Variants in CHODL observed in about 807,000 individuals in gnomAD.
CHODL encodes transmembrane protein MT75.
CHODL carries 29 observed loss-of-function variants against 34.5 expected under a neutral mutation model. That is an observed-to-expected ratio of 0.84 (90% CI 0.63 to 1.15). The LOEUF (loss-of-function observed/expected upper bound fraction) is 1.15, where lower values mean the gene tolerates loss of function less well. Ranked by LOEUF, CHODL falls within the 50% of genes most tolerant of loss-of-function variation. The pLI is 0.00. For synonymous variants in CHODL, 125 were observed against 116.1 expected, an observed-to-expected ratio of 1.08 and a Z score of -0.49; for missense variants, 332 against 332.5, an observed-to-expected ratio of 1.00 and a Z score of 0.01.
chr21:18,249,039 AATATT>A (rs2074198793), intron 1 of CHODL, among the ~76,000 whole-genome samples: 1 of 121,622 alleles, frequency 8.2e-6, no homozygotes, highest in Admixed American at 1.0e-4. Context: ...TAATATATAT[AATATT>A]ATATATATTA....
At chr21:18,252,589 C>T (rs1257426414) in intron 1 of CHODL, among the ~76,000 whole-genome samples, 3 of 151,812 alleles carry the variant, frequency 2.0e-5, no homozygotes, top group East Asian at 1.9e-4. Flanking sequence ...CAAATTTGCA[C>T]GATAAGGTGG....
At chr21:18,107,915 A>G (rs1211936071) in intron 2 of CHODL, among the ~76,000 whole-genome samples, 3 of 152,246 alleles carry the variant, frequency 2.0e-5, no homozygotes, top group Non-Finnish European at 2.9e-5. Context: ...AAAACTTTCA[A>G]TAAGCATGTG....
chr21:18,170,284 C>G (rs916090303), intron 2 of CHODL, among the ~76,000 whole-genome samples: 3 of 151,828 alleles, frequency 2.0e-5, no homozygotes, highest in Admixed American at 2.0e-4. Context: ...ATTTTTTCAT[C>G]TTTTATTTTC....
At chr21:18,115,809 TGC>T (rs2065405484) in intron 2 of CHODL, among the ~76,000 whole-genome samples, 1 of 152,222 alleles carries the variant, frequency 6.6e-6, no homozygotes, top group Admixed American at 6.5e-5. Flanking sequence ...AAATGTATCC[TGC>T]TTCATCTTCT....
chr21:17,982,076 C>G (rs2063718264), intron 1 of CHODL, among the ~76,000 whole-genome samples: 1 of 152,218 alleles, frequency 6.6e-6, no homozygotes, highest in Non-Finnish European at 1.5e-5. Flanking sequence ...TTTAGAAAGA[C>G]TTTCCAGTAA....
upstream of CHODL, among the ~76,000 whole-genome samples, chr21:18,240,822 A>G (rs762279157): frequency 6.6e-6 from 1 of 152,190 alleles, no homozygotes; most frequent in Non-Finnish European, 1.5e-5. Context: ...ATTACTAGTA[A>G]TGGAGTTCTA....
In CHODL at chr21:18,037,856, A is replaced by G. The variant is rs1364670491; in HGVS notation, c.-45+9885A>G. Among the ~76,000 whole-genome samples the G allele has an allele frequency of 2.0e-5, 3 of 151,802 alleles. No individual in the cohort carries two copies. The East Asian group carries it at 5.8e-4, about 29-fold the overall frequency. On this transcript the variant is annotated intron_variant, in intron 2 of 6. Transcript: ENST00000400127. ...TTAAAAAAAATCAGCATACAGATTT[A>G]ACATTTTCCTCTCATTTATGCAGAA...
At chr21:18,193,716 T>TA (rs1310638518) in intron 2 of CHODL, among the ~76,000 whole-genome samples, 216 of 135,086 alleles carry the variant, frequency 1.6e-3, no homozygotes, top group African/African-American at 5.6e-3. Flanking sequence ...AAAAATAAAA[T>TA]AAATAAATAA....
chr21:18,074,706 A>G (rs1387989139), intron 2 of CHODL, among the ~76,000 whole-genome samples: 4 of 152,088 alleles, frequency 2.6e-5, no homozygotes, highest in Admixed American at 2.0e-4. Flanking sequence ...TTTATTTTCT[A>G]TGGAAAAAGA....
rs1483370034 is a variant in CHODL, at chr21:18,256,630, C to A, written c.201C>A (p.Val67=). The change falls in exon 2 of 6, where the codon GTC becomes GTA. Residue 67 remains valine, a synonymous_variant. Transcript: ENST00000299295. The part of the protein sequence containing the change: ...ARLACESEGG[V]LLSLENEAEQ... ...TGGCTTGTGAGAGTGAGGGAGGAGT[C>A]CTCCTCAGCCTTGAGAATGAAGCAG... 4.3e-6 allele frequency: 7 copies of A among 1,614,010 alleles called. No homozygotes were observed. In the South Asian group the frequency reaches 7.7e-5, roughly 18 times the overall value.
At chr21:18,058,302 A>G (rs1287812615) in intron 2 of CHODL, among the ~76,000 whole-genome samples, 1 of 152,184 alleles carries the variant, frequency 6.6e-6, no homozygotes, top group Non-Finnish European at 1.5e-5. Context: ...AGGTTCCTCA[A>G]AAAACCAGAA....
At chr21:18,135,146 G>T (rs866203273) in intron 2 of CHODL, among the ~76,000 whole-genome samples, 3 of 152,162 alleles carry the variant, frequency 2.0e-5, no homozygotes, top group Non-Finnish European at 2.9e-5. Context: ...AAGTGTAATG[G>T]TGCCAATCCT....
At chr21:18,046,593 C>A (rs2064446709) in intron 2 of CHODL, among the ~76,000 whole-genome samples, 1 of 151,800 alleles carries the variant, frequency 6.6e-6, no homozygotes. Context: ...GAACAGGTAC[C>A]CACTGTTGAT....
intron 1 of CHODL, among the ~76,000 whole-genome samples, chr21:17,958,577 C>T (rs2063509538): frequency 6.6e-6 from 1 of 152,152 alleles, no homozygotes; most frequent in African/African-American, 2.4e-5. Flanking sequence ...CTGTTTCCAT[C>T]AGACACTTGG....
chr21:17,998,130 A>G (rs1380465599), intron 1 of CHODL, among the ~76,000 whole-genome samples: 1 of 152,198 alleles, frequency 6.6e-6, no homozygotes, highest in Non-Finnish European at 1.5e-5. Context: ...TCCAAATGGG[A>G]GAAATTGGCC....
chr21:18,234,597 G>A (rs551549889), intron 2 of CHODL, among the ~76,000 whole-genome samples: 1 of 152,062 alleles, frequency 6.6e-6, no homozygotes, highest in South Asian at 2.1e-4. Flanking sequence ...AAAAGGGGAG[G>A]CAGGGAACAA....
Position 17,993,665 on chromosome 21 carries a change from C to T in CHODL, c.-144-34207C>T, listed in dbSNP as rs543737711. ...TATGTCTTTGCTATTGAGAATAGTG[C>T]CACAATGAACATACGTGTGCATATG... On this transcript the variant is annotated intron_variant, in intron 1 of 6. Transcript: ENST00000400127. Among the ~76,000 whole-genome samples, 14 of 152,182 alleles carry T rather than the reference C, an allele frequency of 9.2e-5. No individual in the cohort carries two copies. In the South Asian group the frequency reaches 2.7e-3, roughly 29 times the overall value.
rs376857358 is a variant in CHODL, at chr21:18,260,301, T to C, written c.634+15T>C. The C allele has an allele frequency of 2.7e-6, 4 of 1,478,406 alleles. No homozygotes were observed. In the African/African-American group the frequency reaches 5.7e-5, roughly 21 times the overall value. 91.6% of individuals were successfully genotyped at this position (1,478,406 alleles called of 1,614,324 possible). A position where few individuals can be genotyped will look rare whatever the true frequency, so the allele number is the denominator to read the frequency against. On this transcript the variant is annotated intron_variant, in intron 4 of 5. Transcript: ENST00000299295. Reference sequence around the variant, plus strand: ...TACTGAAGCAGGTAATTACTTCATGTGTCTTTAACTTCATCAAGAACTGAA... The same window carrying C: ...TACTGAAGCAGGTAATTACTTCATGCGTCTTTAACTTCATCAAGAACTGAA...
At chr21:18,173,836 G>T (rs756794850) in intron 2 of CHODL, among the ~76,000 whole-genome samples, 5 of 151,584 alleles carry the variant, frequency 3.3e-5, no homozygotes, top group Non-Finnish European at 7.4e-5. Context: ...CAGGATAAAG[G>T]TATCCCTTTT....
Sources: gnomAD v4.1 joint callset for allele counts (sites outside exome capture counted in the v4.1 genomes callset) on GRCh38, gnomAD v4.1.1 for gene constraint, MANE v1.5 for transcripts, NCBI Gene and HGNC (gene_info 2026-07-23, HGNC 2026-07-21) for gene names.